MECOM: variants seen among roughly 807,000 people sequenced by gnomAD.
MECOM encodes the protein histone-lysine N-methyltransferase MECOM.
MECOM carries 13 observed loss-of-function variants against 116.3 expected under a neutral mutation model. The observed-to-expected ratio is 0.11, with a 90% CI of 0.07 to 0.18. MECOM has a LOEUF of 0.18. Among genes scored for constraint, MECOM ranks in the 10% least tolerant of loss-of-function variants. The probability of loss-of-function intolerance (pLI) is 1.00; values close to 1 mark genes in which losing one functional copy is unlikely to be tolerated. For missense variants in MECOM, 1,299 were observed against 1,509.0 expected, an observed-to-expected ratio of 0.86 and a Z score of 2.31; for synonymous variants, 528 against 535.2, an observed-to-expected ratio of 0.99 and a Z score of 0.19.
In MECOM at chr3:169,338,381, C is replaced by T. The variant is rs945271152; in HGVS notation, c.375+42806G>A. On this transcript the variant is annotated intron_variant, in intron 2 of 16. Transcript: ENST00000651503. ...AACTGCCTGTTTGCTTGTAGGTCTC[C>T]CTGCCCTAGACTGTCAACTCTGGAG... is the stretch of plus-strand genomic sequence containing the variant. Among the ~76,000 whole-genome samples, 22 of 152,168 alleles carry T rather than the reference C, an allele frequency of 1.4e-4. No homozygotes were observed. In the Middle Eastern group the frequency reaches 0.01, roughly 71 times the overall value.
intron 1 of MECOM, among the ~76,000 whole-genome samples, chr3:169,582,689 C>G (rs1765257310): frequency 6.6e-6 from 1 of 152,188 alleles, no homozygotes; most frequent in South Asian, 2.1e-4. Flanking sequence ...TTCATCCTTT[C>G]ACCTGTAGCT....
intron 1 of MECOM, among the ~76,000 whole-genome samples, chr3:169,441,555 C>A (rs888414420): frequency 6.6e-6 from 1 of 151,948 alleles, no homozygotes; most frequent in African/African-American, 2.4e-5. Flanking sequence ...ATCTGAGATG[C>A]ACAACATCTC....
chr3:169,194,060 A>G (rs1577312814), intron 2 of MECOM, among the ~76,000 whole-genome samples: 1 of 152,172 alleles, frequency 6.6e-6, no homozygotes, highest in Middle Eastern at 3.4e-3. Context: ...TTGAATAATG[A>G]CTCATATATG....
chr3:169,518,608 T>C (rs891472401), intron 1 of MECOM, among the ~76,000 whole-genome samples: 1 of 152,198 alleles, frequency 6.6e-6, no homozygotes, highest in African/African-American at 2.4e-5. Context: ...TGTTTGTTTG[T>C]TTGCTTGTTT....
intron 1 of MECOM, among the ~76,000 whole-genome samples, chr3:169,638,704 T>C (rs914817094): frequency 6.6e-6 from 1 of 152,156 alleles, no homozygotes; most frequent in Non-Finnish European, 1.5e-5. Flanking sequence ...CATGGTTAGT[T>C]GCCTCCCCAA....
chr3:169,414,982 T>A (rs1738287814), intron 1 of MECOM, among the ~76,000 whole-genome samples: 1 of 152,192 alleles, frequency 6.6e-6, no homozygotes, highest in East Asian at 1.9e-4. Flanking sequence ...CAGGAGAACT[T>A]CTGCAACCTA....
intron 1 of MECOM, among the ~76,000 whole-genome samples, chr3:169,457,999 C>T (rs2108717532): frequency 6.6e-6 from 1 of 152,318 alleles, no homozygotes; most frequent in Middle Eastern, 3.4e-3. Flanking sequence ...TGCGCAATGG[C>T]AGGCTTGGAC....
chr3:169,228,752 T>C (rs1479905867), intron 2 of MECOM, among the ~76,000 whole-genome samples: 1 of 152,216 alleles, frequency 6.6e-6, no homozygotes, highest in Non-Finnish European at 1.5e-5. Flanking sequence ...GTTTCGGCTT[T>C]CTTCATTTTG....
chr3:169,146,553 T>C (rs1339382666), intron 2 of MECOM: 1 of 1,377,132 alleles, frequency 7.3e-7, no homozygotes, highest in Non-Finnish European at 9.7e-7. Flanking sequence ...ATCGCCCGGC[T>C]TAGCAACGTA....
chr3:169,264,369 T>C (rs193021821), intron 2 of MECOM, among the ~76,000 whole-genome samples: 1 of 152,218 alleles, frequency 6.6e-6, no homozygotes, highest in Non-Finnish European at 1.5e-5. Context: ...CTTCTTTTAC[T>C]TCTCAGTATT....
At chr3:169,249,196 G>A (rs1278612701) in intron 2 of MECOM, among the ~76,000 whole-genome samples, 2 of 152,176 alleles carry the variant, frequency 1.3e-5, no homozygotes, top group Non-Finnish European at 2.9e-5. Flanking sequence ...GCGAATGAAT[G>A]AATGAACCAA....
intron 2 of MECOM, among the ~76,000 whole-genome samples, chr3:169,364,126 G>T (rs1448408518): frequency 6.6e-6 from 1 of 151,938 alleles, no homozygotes; most frequent in Non-Finnish European, 1.5e-5. Flanking sequence ...TTTTGAGCTT[G>T]TTAATGAAAT....
chr3:169,220,341 A>C (rs1398224012), intron 2 of MECOM, among the ~76,000 whole-genome samples: 1 of 152,192 alleles, frequency 6.6e-6, no homozygotes, highest in Non-Finnish European at 1.5e-5. Context: ...AAGAACACTT[A>C]CTTGCTTCTT....
chr3:169,220,018 T>G (rs1199857929), intron 2 of MECOM, among the ~76,000 whole-genome samples: 1 of 150,916 alleles, frequency 6.6e-6, no homozygotes, highest in Non-Finnish European at 1.5e-5. Context: ...TAAATATACA[T>G]TTTCTAACTA....
In MECOM at chr3:169,116,183, C is replaced by G; in HGVS notation, c.1689G>C (p.Arg563Ser). ...DNKPVELQPE[R>S]SSEERPFEKI... ...TCTCAAAGGGCCTCTCTTCAGAGGA[C>G]CTCTCGGGCTGGAGCTCCACTGGCT... Residue 563 changes from arginine (R) to serine (S), a missense_variant, in exon 8 of 17, where the codon AGG (arginine) becomes AGC (serine). Physicochemically the swap from Arg to Ser is moderately radical, Grantham distance 110. Around this residue, in one of 6 missense-constraint regions of MECOM, gnomAD observed 238 missense variants for 273.1 expected, o/e 0.87. Coordinates refer to ENST00000651503, the MANE Select transcript of MECOM (RefSeq NM_004991.4). 1 of 1,614,154 alleles carries G rather than the reference C, an allele frequency of 6.2e-7. No individual in the cohort carries two copies. The highest frequency in any genetic ancestry group is 8.5e-7 in the Non-Finnish European group (1 of 1,180,028).
At chr3:169,189,420 T>C (rs551543824) in intron 2 of MECOM, among the ~76,000 whole-genome samples, 2 of 152,136 alleles carry the variant, frequency 1.3e-5, no homozygotes, top group East Asian at 3.9e-4. Flanking sequence ...AAAAAATCCT[T>C]TGGGGCTCTG....
intron 1 of MECOM, among the ~76,000 whole-genome samples, chr3:169,418,298 A>G (rs1050759198): frequency 6.6e-6 from 1 of 152,302 alleles, no homozygotes; most frequent in East Asian, 1.9e-4. Context: ...AGACAGATTC[A>G]CAGCTGAATT....
At chr3:169,589,762 C>G (rs866298428) in intron 1 of MECOM, among the ~76,000 whole-genome samples, 1 of 152,138 alleles carries the variant, frequency 6.6e-6, no homozygotes, top group African/African-American at 2.4e-5. Flanking sequence ...CACTGCAATT[C>G]CGACTCACAT....
intron 1 of MECOM, among the ~76,000 whole-genome samples, chr3:169,442,021 G>A (rs1743818899): frequency 6.6e-6 from 1 of 152,076 alleles, no homozygotes; most frequent in African/African-American, 2.4e-5. Context: ...CACCTCACAG[G>A]TTTAAGCAAT....
Sources: gnomAD v4.1 joint callset for allele counts (sites outside exome capture counted in the v4.1 genomes callset) on GRCh38, gnomAD v4.1.1 for gene constraint, gnomAD v4.1.1 regional missense constraint, MANE v1.5 for transcripts, NCBI Gene and HGNC (gene_info 2026-07-23, HGNC 2026-07-21) for gene names.